Variants in PGAP1 observed in about 807,000 individuals in gnomAD.
The protein encoded by PGAP1 is GPI inositol-deacylase.
A neutral mutation model predicts 127.0 loss-of-function variants in PGAP1; 76 were observed. That is an observed-to-expected ratio of 0.60 (90% CI 0.50 to 0.72). The LOEUF (loss-of-function observed/expected upper bound fraction) is 0.72, where lower values mean the gene tolerates loss of function less well. PGAP1 is among the 30% of genes least tolerant of loss of function. The pLI, the probability that PGAP1 is intolerant of heterozygous loss-of-function variation, is 0.00. For synonymous variants in PGAP1, 362 were observed against 366.5 expected, an observed-to-expected ratio of 0.99 and a Z score of 0.14; for missense variants, 982 against 1,071.3, an observed-to-expected ratio of 0.92 and a Z score of 1.16.
intron 20 of PGAP1, among the ~76,000 whole-genome samples, chr2:196,862,580 C>T (rs1701104140): frequency 6.6e-6 from 1 of 152,158 alleles, no homozygotes; most frequent in Admixed American, 6.5e-5. Context: ...CTGGTTTTTG[C>T]AGCTTGTGGG....
intron 1 of PGAP1, among the ~76,000 whole-genome samples, chr2:196,923,661 T>C (rs1335960983): frequency 1.3e-5 from 2 of 151,926 alleles, no homozygotes; most frequent in Non-Finnish European, 2.9e-5. Context: ...TTTCTTTTTT[T>C]CTTTCTTTTT....
intron 20 of PGAP1, among the ~76,000 whole-genome samples, chr2:196,848,385 T>C (rs1429871838): frequency 2.6e-5 from 4 of 152,210 alleles, no homozygotes; most frequent in African/African-American, 7.2e-5. Context: ...GTTTTTAGTA[T>C]ATTCAGAATT....
Position 196,872,503 on chromosome 2 carries a change from G to A in PGAP1, c.1666C>T (p.Pro556Ser), listed in dbSNP as rs754205464. The A allele has an allele frequency of 1.2e-6, 2 of 1,613,372 alleles. No homozygotes were observed. Among genetic ancestry groups the A allele is most frequent in the Non-Finnish European group, 1.7e-6 (2 of 1,179,388 alleles). Residue 556 changes from proline to serine, a missense_variant, in exon 18 of 27, where the codon CCA becomes TCA. Physicochemically the swap from Pro to Ser is moderately conservative, Grantham distance 74. Transcript: ENST00000354764. ...EISLKLHIAQPENNTHVALFK... is the reference protein window; with the variant it reads ...EISLKLHIAQSENNTHVALFK... ...AATGCCACATGGGTATTGTTTTCTG[G>A]TTGAGCAATATGGAGTTTCAGAGAA...
Position 196,890,816 on chromosome 2 carries a change from C to G in PGAP1, c.1173+12G>C. ...CCTCTTAAATTTACATAAAATGTAC[C>G]AATTATCTTACCAGCATAGTGCTCT... On this transcript the variant is annotated intron_variant, in intron 10 of 26. Coordinates refer to ENST00000354764, the MANE Select transcript of PGAP1 (RefSeq NM_024989.4). 2.1e-6 allele frequency: 3 copies of G among 1,460,222 alleles called. No individual in the cohort carries two copies. The allele number at this position is 1,460,222 out of a possible 1,614,324, so 90.5% of individuals were successfully genotyped here.
At chr2:196,878,280 T>C (rs763814466) in intron 13 of PGAP1, among the ~76,000 whole-genome samples, 5 of 152,178 alleles carry the variant, frequency 3.3e-5, no homozygotes, top group Admixed American at 2.0e-4. Flanking sequence ...AACACAAAAC[T>C]CATTTATGTT....
intron 4 of PGAP1, 71 bp from the exon 5 acceptor site, chr2:196,902,813 T>C (rs1702541956): frequency 4.5e-6 from 5 of 1,102,858 alleles, no homozygotes; most frequent in Middle Eastern, 2.0e-4. Context: ...ATCTATACAG[T>C]AATATTAATA....
chr2:196,859,666 C>A (rs1353536591), intron 20 of PGAP1, among the ~76,000 whole-genome samples: 1 of 152,078 alleles, frequency 6.6e-6, no homozygotes, highest in African/African-American at 2.4e-5. Context: ...TATCATTCAC[C>A]ACGATGAAGT....
chr2:196,903,297 T>A (rs1411226562), intron 4 of PGAP1, among the ~76,000 whole-genome samples: 1 of 150,914 alleles, frequency 6.6e-6, no homozygotes, highest in Non-Finnish European at 1.5e-5. Flanking sequence ...GATGGCAGTA[T>A]CCCAGCTTAA....
intron 9 of PGAP1, among the ~76,000 whole-genome samples, chr2:196,891,880 G>T (rs935148816): frequency 6.6e-6 from 1 of 151,922 alleles, no homozygotes; most frequent in Non-Finnish European, 1.5e-5. Context: ...ACAAAAATCT[G>T]AATATGAAAA....
chr2:196,847,361 G>A (rs186507958), intron 21 of PGAP1, 161 bp from the exon 22 acceptor site: 161 of 530,104 alleles, frequency 3.0e-4, no homozygotes, highest in South Asian at 5.8e-4. Context: ...TATGGAACAA[G>A]TCATTTATTT....
At chr2:196,845,783 G>A in intron 23 of PGAP1, 99 bp downstream of exon 23, 1 of 949,880 alleles carries the variant, frequency 1.1e-6, no homozygotes, top group Non-Finnish European at 1.5e-6. Flanking sequence ...GGTTACTACA[G>A]TGTTTATGAG....
intron 14 of PGAP1, 23 bp from the exon 15 acceptor site, chr2:196,873,781 T>TACAG: frequency 6.8e-7 from 1 of 1,478,520 alleles, no homozygotes; most frequent in Non-Finnish European, 9.4e-7. Context: ...AAGTACTGTA[T>TACAG]TACTTAGAAT....
intron 5 of PGAP1, among the ~76,000 whole-genome samples, chr2:196,901,466 G>C (rs1025870875): frequency 6.6e-6 from 1 of 152,200 alleles, no homozygotes; most frequent in South Asian, 2.1e-4. Flanking sequence ...CTATGAAACA[G>C]TGATTTTCTA....
In PGAP1 at chr2:196,848,055, G is replaced by C. The variant is rs1288088507; in HGVS notation, c.1862-18C>G. ...GCAACAACCTGGTGATTTAAAAAAA[G>C]TTACATGCAATTTACAGTAATTAAG... On this transcript the variant is annotated intron_variant, in intron 20 of 26. Coordinates refer to ENST00000354764, the MANE Select transcript of PGAP1 (RefSeq NM_024989.4). 11 of 1,549,988 alleles carry C rather than the reference G, an allele frequency of 7.1e-6. No individual in the cohort carries two copies. In the East Asian group the frequency reaches 2.5e-4, roughly 36 times the overall value.
chr2:196,897,210 GT>G lies in PGAP1; in HGVS notation c.861-14del. ...CAATTGTTTACACCTAAGGAATAAA[GT>G]AAGTGTTACAAATAAAACTTTCTTA... On this transcript the variant is annotated splice_polypyrimidine_tract_variant and intron_variant, in intron 6 of 26. Coordinates refer to ENST00000354764, the MANE Select transcript of PGAP1 (RefSeq NM_024989.4). 6.6e-7 allele frequency: 1 copy of G among 1,515,418 alleles called. No homozygotes were observed. The highest frequency in any genetic ancestry group is 9.0e-7 in the Non-Finnish European group (1 of 1,114,682). 93.9% of individuals were successfully genotyped at this position (1,515,418 alleles called of 1,614,324 possible). A position where few individuals can be genotyped will look rare whatever the true frequency, so the allele number is the denominator to read the frequency against.
At chr2:196,897,234 T>C in intron 6 of PGAP1, 37 bp from the exon 7 acceptor site, 1 of 1,268,480 alleles carries the variant, frequency 7.9e-7, no homozygotes, top group Non-Finnish European at 1.1e-6. Context: ...TAAAACTTTC[T>C]TAAAACATAT....
chr2:196,843,816 T>C (rs1298629129), intron 25 of PGAP1, 72 bp downstream of exon 25: 4 of 946,776 alleles, frequency 4.2e-6, no homozygotes, highest in Non-Finnish European at 2.9e-6. Context: ...CCATTAGGAA[T>C]CTAGCAAGTC....
intron 2 of PGAP1, among the ~76,000 whole-genome samples, chr2:196,917,670 C>T (rs1391971463): frequency 6.6e-6 from 1 of 151,866 alleles, no homozygotes; most frequent in Non-Finnish European, 1.5e-5. Flanking sequence ...TGTATCAGTA[C>T]TTCATTCCTC....
chr2:196,847,402 T>C, intron 21 of PGAP1: 1 of 442,278 alleles, frequency 2.3e-6, no homozygotes, highest in Non-Finnish European at 4.0e-6. Context: ...TTTGAAGATC[T>C]GCATTTCAGT....
Sources: gnomAD v4.1 joint callset for allele counts (sites outside exome capture counted in the v4.1 genomes callset) on GRCh38, gnomAD v4.1.1 for gene constraint, MANE v1.5 for transcripts, NCBI Gene and HGNC (gene_info 2026-07-23, HGNC 2026-07-21) for gene names.